Variants in TTC27 observed in about 807,000 individuals in gnomAD.
TTC27 encodes the protein tetratricopeptide repeat domain 27.
A neutral mutation model predicts 115.9 loss-of-function variants in TTC27; 79 were observed. That is an observed-to-expected ratio of 0.68 (90% CI 0.57 to 0.82). The LOEUF is 0.82. TTC27 is among the 40% of genes least tolerant of loss of function. The pLI, the probability that TTC27 is intolerant of heterozygous loss-of-function variation, is 0.00. For synonymous variants in TTC27, 401 were observed against 356.0 expected, an observed-to-expected ratio of 1.13 and a Z score of -1.42; for missense variants, 1,054 against 993.1, an observed-to-expected ratio of 1.06 and a Z score of -0.82.
intron 15 of TTC27, 65 bp downstream of exon 15, chr2:32,782,743 C>A: frequency 1.5e-6 from 2 of 1,303,390 alleles, no homozygotes; most frequent in South Asian, 1.2e-5. Flanking sequence ...TTTTCTACAA[C>A]TGAACATTGT....
chr2:32,644,837 G>T (rs1446042993), intron 4 of TTC27, among the ~76,000 whole-genome samples: 61 of 70,072 alleles, frequency 8.7e-4, no homozygotes, highest in South Asian at 2.0e-3. Context: ...CCTTTCCTTC[G>T]TTCCTTCCTT....
chr2:32,807,828 T>C (rs1341660007), intron 16 of TTC27, among the ~76,000 whole-genome samples: 1 of 152,058 alleles, frequency 6.6e-6, no homozygotes, highest in Admixed American at 6.5e-5. Flanking sequence ...GTAGATCGAC[T>C]TTCCTTGTAA....
At chr2:32,729,691 G>A (rs141777495) in intron 10 of TTC27, among the ~76,000 whole-genome samples, 133 of 151,896 alleles carry the variant, frequency 8.8e-4, no homozygotes, top group African/African-American at 3.1e-3. Context: ...GCGCCCCAGG[G>A]GCCTCCTCTC....
At chr2:32,654,941 C>T (rs773892903) in intron 5 of TTC27, among the ~76,000 whole-genome samples, 9 of 151,568 alleles carry the variant, frequency 5.9e-5, no homozygotes, top group Non-Finnish European at 8.8e-5. Context: ...AATGATCCAT[C>T]CTCCTCAGCC....
intron 5 of TTC27, among the ~76,000 whole-genome samples, chr2:32,655,491 A>G (rs1388947106): frequency 6.6e-6 from 1 of 152,136 alleles, no homozygotes; most frequent in African/African-American, 2.4e-5. Flanking sequence ...GATTCCCTGT[A>G]TGAACTCAAG....
chr2:32,677,264 C>G (rs540564234), intron 8 of TTC27, among the ~76,000 whole-genome samples: 4 of 152,152 alleles, frequency 2.6e-5, no homozygotes, highest in African/African-American at 9.6e-5. Flanking sequence ...GAATATACAA[C>G]AATTTGTCGT....
At chr2:32,812,454 A>C (rs1395328746) in intron 17 of TTC27, 50 bp from the exon 18 acceptor site, 1 of 1,365,256 alleles carries the variant, frequency 7.3e-7, no homozygotes, top group African/African-American at 1.4e-5. Context: ...CAGAGTTTGA[A>C]ATGTGAATTC....
At chr2:32,634,670 T>G (rs1003903644) in intron 3 of TTC27, among the ~76,000 whole-genome samples, 1 of 151,910 alleles carries the variant, frequency 6.6e-6, no homozygotes, top group African/African-American at 2.4e-5. Flanking sequence ...TAATTAATTT[T>G]TTTTGAGACA....
At chr2:32,729,132 G>A (rs571369739) in intron 10 of TTC27, among the ~76,000 whole-genome samples, 22 of 152,248 alleles carry the variant, frequency 1.4e-4, no homozygotes, top group African/African-American at 5.3e-4. Context: ...CAATGAACAC[G>A]TAGATGTCAT....
intron 1 of TTC27, among the ~76,000 whole-genome samples, chr2:32,629,786 G>T (rs971242259): frequency 2.6e-5 from 4 of 152,228 alleles, no homozygotes; most frequent in African/African-American, 9.6e-5. Flanking sequence ...TTACCAGAGA[G>T]ATAAAGAGTT....
intron 12 of TTC27, among the ~76,000 whole-genome samples, chr2:32,754,171 A>C (rs1212999596): frequency 2.0e-5 from 3 of 148,592 alleles, no homozygotes; most frequent in African/African-American, 7.4e-5. Flanking sequence ...TTAATTGATC[A>C]TTCTTGGGTG....
At chr2:32,653,497 G>A (rs1465816463) in intron 5 of TTC27, among the ~76,000 whole-genome samples, 2 of 151,800 alleles carry the variant, frequency 1.3e-5, no homozygotes, top group African/African-American at 4.8e-5. Flanking sequence ...AGGAGGTTGA[G>A]GTAGGAGAAT....
chr2:32,813,793 G>T (rs1327798696), intron 18 of TTC27, among the ~76,000 whole-genome samples: 2 of 152,188 alleles, frequency 1.3e-5, no homozygotes, highest in Non-Finnish European at 2.9e-5. Context: ...TTGACCTAAA[G>T]GATATAAATA....
intron 12 of TTC27, among the ~76,000 whole-genome samples, chr2:32,750,826 C>G (rs1668985369): frequency 1.3e-5 from 2 of 152,144 alleles, no homozygotes; most frequent in African/African-American, 2.4e-5. Context: ...TCCCTAATAA[C>G]AAGTATTAAT....
chr2:32,676,014 A>C (rs1414354144), intron 8 of TTC27, among the ~76,000 whole-genome samples: 1 of 150,544 alleles, frequency 6.6e-6, no homozygotes, highest in Non-Finnish European at 1.5e-5. Flanking sequence ...CTGGTCTCGA[A>C]CTCCTGATCT....
intron 3 of TTC27, among the ~76,000 whole-genome samples, chr2:32,639,278 G>A (rs1664547144): frequency 6.6e-6 from 1 of 152,216 alleles, no homozygotes; most frequent in African/African-American, 2.4e-5. Flanking sequence ...TTCCTGATGG[G>A]TGAAGATTCT....
At chr2:32,682,414 A>G (rs192527020) in intron 9 of TTC27, among the ~76,000 whole-genome samples, 83 of 152,312 alleles carry the variant, frequency 5.4e-4, no homozygotes, top group Middle Eastern at 3.4e-3. Flanking sequence ...TGGTACACTC[A>G]TAGCATTCAG....
At chr2:32,667,223 CT>C (rs1376689303) in intron 7 of TTC27, among the ~76,000 whole-genome samples, 1 of 151,814 alleles carries the variant, frequency 6.6e-6, no homozygotes, top group Admixed American at 6.6e-5. Flanking sequence ...TGTGATCGGC[CT>C]TTTGTTTCTC....
At chr2:32,744,901 A>G (rs1041293980) in intron 12 of TTC27, among the ~76,000 whole-genome samples, 3 of 151,920 alleles carry the variant, frequency 2.0e-5, no homozygotes, top group Non-Finnish European at 4.4e-5. Context: ...TACAAAACTT[A>G]GCTGGGCATG....
Sources: allele counts gnomAD v4.1 joint callset (sites outside exome capture counted in the v4.1 genomes callset), GRCh38; gene constraint gnomAD v4.1.1; transcripts MANE v1.5; gene names NCBI Gene and HGNC (gene_info 2026-07-23, HGNC 2026-07-21).